Variants in NCOA3 observed in about 807,000 individuals in gnomAD.
NCOA3 encodes the protein nuclear receptor coactivator 3.
In NCOA3, 51 loss-of-function variants were observed where a neutral mutation model predicts 158.8. The ratio of observed to expected loss-of-function variants is 0.32; its 90% CI spans 0.26 to 0.41. NCOA3 has a LOEUF of 0.41. Among genes scored for constraint, NCOA3 ranks in the 10% least tolerant of loss-of-function variants. The pLI is 1.00. For missense variants in NCOA3, 1,510 were observed against 1,746.6 expected, an observed-to-expected ratio of 0.86 and a Z score of 2.41; for synonymous variants, 537 against 592.4, an observed-to-expected ratio of 0.91 and a Z score of 1.36.
chr20:47,573,012 A>G (rs1051442829), intron 1 of NCOA3, among the ~76,000 whole-genome samples: 2 of 152,222 alleles, frequency 1.3e-5, no homozygotes, highest in African/African-American at 4.8e-5. Flanking sequence ...TGGAGCAGTG[A>G]GAATATACAC....
chr20:47,593,749 G>A (rs1222538284), intron 2 of NCOA3, among the ~76,000 whole-genome samples: 2 of 152,112 alleles, frequency 1.3e-5, no homozygotes, highest in Non-Finnish European at 2.9e-5. Context: ...GCATTACTAA[G>A]CCAGGATAAT....
intron 19 of NCOA3, 51 bp from the exon 20 acceptor site, chr20:47,650,931 C>A: frequency 6.5e-7 from 1 of 1,544,470 alleles, no homozygotes; most frequent in Non-Finnish European, 8.9e-7. Flanking sequence ...ATGTATGCAA[C>A]TGGCAGGTTC....
rs1263709823 is a variant in NCOA3 at position 47,650,998 on chromosome 20, C to T, written c.3668C>T (p.Ala1223Val). ...GGGTATTAGCAGGGTTTTCTTAATG[C>T]TCAAATGGTCGCCCAACGCAGCAGA... ...QVSSQQGFLN[A>V]QMVAQRSREL... The change falls in exon 20 of 23, where the codon GCT becomes GTT. Residue 1223 changes from alanine to valine, a missense_variant. Ala to Val is a moderately conservative substitution (Grantham distance 64). This residue lies in a region of NCOA3 where 1,017 missense variants were observed against 1,098.3 expected (regional missense o/e 0.93). Transcript: ENST00000371998. 1 of 1,613,680 alleles carries T rather than the reference C, an allele frequency of 6.2e-7. No individual in the cohort carries two copies. The highest frequency in any genetic ancestry group is 8.5e-7 in the Non-Finnish European group (1 of 1,179,784).
rs143633228 is a variant in NCOA3 at position 47,569,219 on chromosome 20, C to T, written c.-98-13964C>T. Reference sequence around the variant, plus strand: ...AAAATTAGCTGGGCATGGTGGCATGCGCCTGTAGTCCCAGCTACTCGGGAG... The same window carrying T: ...AAAATTAGCTGGGCATGGTGGCATGTGCCTGTAGTCCCAGCTACTCGGGAG... On this transcript the variant is annotated intron_variant, in intron 1 of 22. Coordinates refer to ENST00000371998, the MANE Select transcript of NCOA3 (RefSeq NM_181659.3). Among the ~76,000 whole-genome samples the T allele has an allele frequency of 5.5e-3, 832 of 151,670 alleles. 8 individuals are homozygous for T. Among genetic ancestry groups the T allele is most frequent in the Non-Finnish European group, 7.8e-3 (526 of 67,862 alleles).
chr20:47,563,586 G>A (rs1364289803), intron 1 of NCOA3, among the ~76,000 whole-genome samples: 5 of 152,252 alleles, frequency 3.3e-5, no homozygotes, highest in South Asian at 4.1e-4. Context: ...AATCCCAGCA[G>A]TTTAAGTGGC....
chr20:47,621,302 G>A (rs1172183887), intron 2 of NCOA3, among the ~76,000 whole-genome samples: 1 of 151,200 alleles, frequency 6.6e-6, no homozygotes, highest in Non-Finnish European at 1.5e-5. Flanking sequence ...AGTTTGATCA[G>A]CATCTTGAGT....
At chr20:47,511,535 A>G (rs1210786142) in intron 1 of NCOA3, among the ~76,000 whole-genome samples, 2 of 28,090 alleles carry the variant, frequency 7.1e-5, no homozygotes, top group Admixed American at 1.3e-3. Flanking sequence ...ATATATATAT[A>G]TATATATATA....
intron 1 of NCOA3, among the ~76,000 whole-genome samples, chr20:47,532,644 T>A (rs191007489): frequency 0.061 from 9,322 of 151,642 alleles, 371 homozygotes; most frequent in Non-Finnish European, 0.089. Flanking sequence ...ATTAAAAAAA[T>A]TTTTTTTTCT....
At position 47,634,131 on chromosome 20, in the gene NCOA3, A is replaced by G. The variant is rs759518116; in HGVS notation, c.1048A>G (p.Lys350Glu). ...TATAGTGACTGCACAGACAAAAAGC[A>G]AACTCTTCCGAAATCCTGTAACAAA... is the stretch of plus-strand genomic sequence containing the variant. Reference protein sequence around the residue: ...GTIVTAQTKSKLFRNPVTNDR... With the variant: ...GTIVTAQTKSELFRNPVTNDR... The change falls in exon 10 of 23, where the codon AAA becomes GAA. Residue 350 changes from lysine to glutamate, a missense_variant. Physicochemically the swap from Lys to Glu is moderately conservative, Grantham distance 56. This residue lies in a region of NCOA3 where 1,017 missense variants were observed against 1,098.3 expected (regional missense o/e 0.93). Transcript: ENST00000371998. 6.2e-7 allele frequency: 1 copy of G among 1,614,192 alleles called. No individual in the cohort carries two copies.
At chr20:47,619,392 C>T (rs1028428510) in intron 2 of NCOA3, among the ~76,000 whole-genome samples, 21 of 152,136 alleles carry the variant, frequency 1.4e-4, no homozygotes, top group Non-Finnish European at 2.6e-4. Context: ...TGCCTGTAAT[C>T]CCAGCACTTT....
rs745333720 is a variant in NCOA3 at position 47,639,627 on chromosome 20, T to A, written c.2758T>A (p.Trp920Arg). ...GACTCAGACTCCTTCCTCAGGAGAC[T>A]GGGGCTTACCAAACTCAAAGGCCGG... is the stretch of plus-strand genomic sequence containing the variant. ...TVTQTPSSGD[W>R]GLPNSKAGRM... The change falls in exon 15 of 23, where the codon TGG becomes AGG. Residue 920 changes from tryptophan to arginine, a missense_variant. Physicochemically the swap from Trp to Arg is moderately radical, Grantham distance 101 (BLOSUM62 -3). Transcript: ENST00000371998. The A allele has an allele frequency of 6.2e-6, 10 of 1,613,914 alleles. No homozygotes were observed. The South Asian group carries it at 1.1e-4, about 18-fold the overall frequency.
chr20:47,511,350 C>T (rs1157198387), intron 1 of NCOA3, among the ~76,000 whole-genome samples: 2 of 145,294 alleles, frequency 1.4e-5, no homozygotes, highest in African/African-American at 2.5e-5. Context: ...AGGGCTCAAG[C>T]GGTTTTCCTG....
chr20:47,630,406 A>C (rs2086393717), intron 8 of NCOA3: 1 of 149,832 alleles, frequency 6.7e-6, no homozygotes, highest in East Asian at 2.0e-4. Flanking sequence ...GGTTTTCTTC[A>C]GTATGTTTTC....
intron 19 of NCOA3, 133 bp from the exon 20 acceptor site, chr20:47,650,849 T>C: frequency 2.4e-6 from 2 of 845,624 alleles, no homozygotes; most frequent in Non-Finnish European, 3.8e-6. Flanking sequence ...GGCGACAGAG[T>C]GAGACCCTGT....
At chr20:47,613,294 G>C (rs1312611300) in intron 2 of NCOA3, among the ~76,000 whole-genome samples, 2 of 150,640 alleles carry the variant, frequency 1.3e-5, no homozygotes, top group East Asian at 3.9e-4. Flanking sequence ...AAAACTGTAG[G>C]CTCCTAGCTT....
chr20:47,637,861 G>T, intron 13 of NCOA3, 78 bp downstream of exon 13: 1 of 1,291,354 alleles, frequency 7.7e-7, no homozygotes, highest in South Asian at 1.7e-5. Flanking sequence ...CTTACACTAA[G>T]ACCAGGATAT....
At chr20:47,612,742 T>C (rs949944907) in intron 2 of NCOA3, among the ~76,000 whole-genome samples, 2 of 152,236 alleles carry the variant, frequency 1.3e-5, no homozygotes, top group Non-Finnish European at 2.9e-5. Context: ...TAGAAGTCAA[T>C]GTAACCTTTA....
At chr20:47,642,639 GA>G (rs1280851112) in intron 17 of NCOA3, among the ~76,000 whole-genome samples, 2 of 152,296 alleles carry the variant, frequency 1.3e-5, no homozygotes, top group African/African-American at 4.8e-5. Flanking sequence ...TTGTAGAAAT[GA>G]TTTAGTTAAG....
At chr20:47,515,194 C>G (rs1343011267) in intron 1 of NCOA3, among the ~76,000 whole-genome samples, 1 of 151,190 alleles carries the variant, frequency 6.6e-6, no homozygotes, top group African/African-American at 2.4e-5. Flanking sequence ...GATGGAGTCT[C>G]GCTCTGTTGC....
Sources: gnomAD v4.1 joint callset for allele counts (sites outside exome capture counted in the v4.1 genomes callset) on GRCh38, gnomAD v4.1.1 for gene constraint, gnomAD v4.1.1 regional missense constraint, MANE v1.5 for transcripts, NCBI Gene and HGNC (gene_info 2026-07-23, HGNC 2026-07-21) for gene names.